STAC: variants seen among roughly 807,000 people sequenced by gnomAD.
STAC encodes the protein SH3 and cysteine-rich domain-containing protein.
Under a neutral mutation model 48.8 loss-of-function variants are expected in STAC, and 43 were observed. The observed-to-expected ratio is 0.88, with a 90% CI of 0.69 to 1.14. The LOEUF is 1.14. STAC is among the 50% of genes most tolerant of loss of function. STAC has a pLI of 0.00. For synonymous variants in STAC, 193 were observed against 179.5 expected, an observed-to-expected ratio of 1.07 and a Z score of -0.60; for missense variants, 497 against 504.0, an observed-to-expected ratio of 0.99 and a Z score of 0.13.
At chr3:36,417,650 T>C (rs7611720) in intron 1 of STAC, among the ~76,000 whole-genome samples, 3,538 of 152,316 alleles carry the variant, frequency 0.023, 60 homozygotes, top group East Asian at 0.026. Context: ...AATTGGTTTG[T>C]AGAATGTGGA....
intron 10 of STAC, among the ~76,000 whole-genome samples, chr3:36,536,088 T>G (rs1335751770): frequency 6.6e-6 from 1 of 152,130 alleles, no homozygotes; most frequent in East Asian, 1.9e-4. Context: ...GCTGTAAATC[T>G]GTCTGGTGCT....
At chr3:36,505,625 C>T (rs1481203732) in intron 7 of STAC, 121 bp from the exon 8 acceptor site, 2 of 636,940 alleles carry the variant, frequency 3.1e-6, no homozygotes, top group East Asian at 3.2e-5. Flanking sequence ...GGTTAGATAA[C>T]ACTTACGATC....
intron 1 of STAC, among the ~76,000 whole-genome samples, chr3:36,439,468 T>C (rs1696262872): frequency 1.3e-5 from 2 of 152,234 alleles, no homozygotes; most frequent in Non-Finnish European, 2.9e-5. Context: ...TATTGAATCA[T>C]CTGAACTCAG....
At chr3:36,525,986 C>T (rs1698923975) in intron 8 of STAC, among the ~76,000 whole-genome samples, 1 of 152,156 alleles carries the variant, frequency 6.6e-6, no homozygotes, top group South Asian at 2.1e-4. Context: ...TCAGAAAATA[C>T]ATTTTTTTTA....
At chr3:36,434,311 A>C (rs1481790077) in intron 1 of STAC, among the ~76,000 whole-genome samples, 3 of 152,232 alleles carry the variant, frequency 2.0e-5, no homozygotes, top group Non-Finnish European at 4.4e-5. Flanking sequence ...TTCTCAGAAA[A>C]ACGAAAATAG....
At chr3:36,486,033 G>C (rs1038304239) in intron 4 of STAC, 101 bp from the exon 5 acceptor site, 5 of 855,606 alleles carry the variant, frequency 5.8e-6, no homozygotes, top group Admixed American at 2.1e-5. Flanking sequence ...CCTCTGCACA[G>C]AGCCTGCTTC....
chr3:36,433,048 C>A (rs1700742895), intron 1 of STAC, among the ~76,000 whole-genome samples: 1 of 152,254 alleles, frequency 6.6e-6, no homozygotes, highest in African/African-American at 2.4e-5. Context: ...AGCCCCAGGG[C>A]AGGAGGTAGG....
intron 1 of STAC, among the ~76,000 whole-genome samples, chr3:36,383,600 T>C (rs1699558661): frequency 6.6e-6 from 1 of 152,054 alleles, no homozygotes; most frequent in Admixed American, 6.6e-5. Context: ...ATGACTATAA[T>C]CCCAATTAGC....
At chr3:36,486,060 C>G in intron 4 of STAC, 74 bp from the exon 5 acceptor site, 1 of 1,139,302 alleles carries the variant, frequency 8.8e-7, no homozygotes, top group African/African-American at 1.5e-5. Context: ...GCTGTTCACC[C>G]AGGAGATGTG....
intron 2 of STAC, among the ~76,000 whole-genome samples, chr3:36,466,632 A>T: frequency 6.6e-6 from 1 of 151,748 alleles, no homozygotes. Flanking sequence ...TGAGTTCTTT[A>T]CTTGATTCTC....
chr3:36,384,969 G>A (rs891291046), intron 1 of STAC, among the ~76,000 whole-genome samples: 4 of 152,108 alleles, frequency 2.6e-5, no homozygotes, highest in African/African-American at 9.7e-5. Flanking sequence ...TTATTAATAA[G>A]GAATTTAACT....
In STAC at chr3:36,531,265, G is replaced by GTTATTTTATGCAAAA. The variant is rs552492582; in HGVS notation, c.1110+2280_1110+2281insTTATTTTATGCAAAA. Among the ~76,000 whole-genome samples, 336 of 152,256 alleles carry GTTATTTTATGCAAAA rather than the reference G, an allele frequency of 2.2e-3. No individual in the cohort carries two copies. In the Middle Eastern group the frequency reaches 0.024, roughly 11 times the overall value. ...GAAAATAACCTAAAGTAAACAGGGG[G>GTTATTTTATGCAAAA]AGACTTTATGCAAAAAGACAGTCAT... is the stretch of plus-strand genomic sequence containing the variant. On this transcript the variant is annotated intron_variant, in intron 10 of 10. Transcript: ENST00000273183.
intron 1 of STAC, among the ~76,000 whole-genome samples, chr3:36,420,581 G>A (rs929135995): frequency 6.6e-5 from 10 of 152,272 alleles, no homozygotes; most frequent in Admixed American, 1.3e-4. Context: ...ATGCGAGGAC[G>A]CTAGGTTGTG....
chr3:36,498,996 G>A (rs1698219994), intron 6 of STAC, among the ~76,000 whole-genome samples: 1 of 152,148 alleles, frequency 6.6e-6, no homozygotes, highest in South Asian at 2.1e-4. Context: ...CAGTATAAGT[G>A]AAATAACAGT....
chr3:36,474,313 T>G (rs1247853175), intron 2 of STAC, among the ~76,000 whole-genome samples: 1 of 152,238 alleles, frequency 6.6e-6, no homozygotes, highest in Non-Finnish European at 1.5e-5. Context: ...CAGAATCTTC[T>G]AAGGTAAACT....
chr3:36,410,622 T>G (rs1292027917), intron 1 of STAC, among the ~76,000 whole-genome samples: 1 of 152,156 alleles, frequency 6.6e-6, no homozygotes, highest in Non-Finnish European at 1.5e-5. Context: ...GGAGAAAAGC[T>G]TAAAGGATAT....
At chr3:36,452,017 T>C (rs576936405) in intron 2 of STAC, among the ~76,000 whole-genome samples, 2 of 152,320 alleles carry the variant, frequency 1.3e-5, no homozygotes, top group East Asian at 3.9e-4. Flanking sequence ...TTAGCATTGT[T>C]TCCCTGTCTG....
At chr3:36,394,717 C>A (rs1699821322) in intron 1 of STAC, among the ~76,000 whole-genome samples, 1 of 151,834 alleles carries the variant, frequency 6.6e-6, no homozygotes, top group African/African-American at 2.4e-5. Flanking sequence ...GCCAACATGG[C>A]AAAACTCTGT....
At chr3:36,431,147 A>T (rs901996034) in intron 1 of STAC, among the ~76,000 whole-genome samples, 6 of 152,224 alleles carry the variant, frequency 3.9e-5, no homozygotes, top group African/African-American at 1.4e-4. Context: ...ATCAGAATCT[A>T]GAGAGCTCTA....
Sources: gnomAD v4.1 joint callset for allele counts (sites outside exome capture counted in the v4.1 genomes callset) on GRCh38, gnomAD v4.1.1 for gene constraint, MANE v1.5 for transcripts, NCBI Gene and HGNC (gene_info 2026-07-23, HGNC 2026-07-21) for gene names.